Variants in CLPP observed in about 807,000 individuals in gnomAD.
CLPP encodes ATP-dependent Clp protease proteolytic subunit, mitochondrial.
Under a neutral mutation model 27.4 loss-of-function variants are expected in CLPP, and 14 were observed. The ratio of observed to expected loss-of-function variants is 0.51; its 90% confidence interval spans 0.34 to 0.80. The LOEUF (loss-of-function observed/expected upper bound fraction) is 0.80. Among genes scored for constraint, CLPP ranks in the 30% least tolerant of loss-of-function variants. The pLI, the probability that CLPP is intolerant of heterozygous loss-of-function variation, is 0.02. For synonymous variants in CLPP, 193 were observed against 166.6 expected (o/e 1.16, Z -1.22); for missense variants, 361 against 403.6 (o/e 0.89, Z 0.90).
chr19:6,368,537 G>C lies in CLPP; in HGVS notation c.662-1G>C. 6.2e-7 allele frequency: 1 copy of C among 1,614,082 alleles called. No individual in the cohort carries two copies. Among genetic ancestry groups the C allele is most frequent in the Non-Finnish European group, 8.5e-7 (1 of 1,180,014 alleles). On this transcript the variant is annotated splice_acceptor_variant, in intron 5 of 5. Coordinates refer to ENST00000245816, the MANE Select transcript of CLPP (RefSeq NM_006012.4). LOFTEE classifies it high-confidence loss of function. ...TGTCTCACCTCCTGCTTCCCCACCAGAGTCCGCCATGGAGAGGGACCGCTA... is the reference window on the plus strand; with the variant it reads ...TGTCTCACCTCCTGCTTCCCCACCACAGTCCGCCATGGAGAGGGACCGCTA...
rs2091834002 is a variant in CLPP, at chr19:6,361,641, C to T, written c.67C>T (p.Arg23Cys). Residue 23 changes from arginine to cysteine, a missense_variant, in exon 1 of 6, where the codon CGC becomes TGC. Transcript: ENST00000245816. ...ATGCAGGTACCCCGCGCTGGGGCCT[C>T]GCCTCGCCGCTCACTTTCCAGCGCA... ...ASCRYPALGP[R>C]LAAHFPAQRP... is the part of the protein sequence containing the mutation. 2.1e-6 allele frequency: 3 copies of T among 1,418,070 alleles called. No individual in the cohort carries two copies. The highest frequency in any genetic ancestry group is 3.0e-5 in the Admixed American group (1 of 33,730). 87.8% of individuals were successfully genotyped at this position (1,418,070 alleles called of 1,614,324 possible).
Position 6,364,437 on chromosome 19 carries a change from C to T in CLPP, c.368-15C>T. On this transcript the variant is annotated splice_polypyrimidine_tract_variant and intron_variant, in intron 3 of 5. Transcript: ENST00000245816. ...GGGAGCTGGTCCAGCCCCTCACTTGCTCCCCCGCCCACAGGTGGTGTGGTG... is the reference window on the plus strand; with the variant it reads ...GGGAGCTGGTCCAGCCCCTCACTTGTTCCCCCGCCCACAGGTGGTGTGGTG... The T allele has an allele frequency of 6.3e-7, 1 of 1,598,328 alleles. No homozygotes were observed. The highest frequency in any genetic ancestry group is 8.5e-7 in the Non-Finnish European group (1 of 1,174,244).
At chr19:6,364,085 C>T (rs2091849494) in intron 3 of CLPP, among the ~76,000 whole-genome samples, 1 of 143,302 alleles carries the variant, frequency 7.0e-6, no homozygotes, top group Admixed American at 7.1e-5. Context: ...GGCTGGAGTG[C>T]GGTGGCGCTA....
At position 6,369,249 on chromosome 19, in the gene CLPP, C is replaced by A. The variant is rs2091876548; in HGVS notation, c.*539C>A. Among the ~76,000 whole-genome samples the A allele has an allele frequency of 6.6e-6, 1 of 152,068 alleles. No homozygotes were observed. Among genetic ancestry groups the A allele is most frequent in the Non-Finnish European group, 1.5e-5 (1 of 67,996 alleles). On this transcript the variant is annotated 3_prime_UTR_variant, in exon 6 of 6. Transcript: ENST00000245816. ...CATCCTGGCTAACATGGTGAAACCC[C>A]ATTTCTACTAAAAATACAAAAATTA...
At chr19:6,362,038 C>T (rs1397327834) in intron 2 of CLPP, 98 bp downstream of exon 2, 2 of 1,155,354 alleles carry the variant, frequency 1.7e-6, no homozygotes, top group South Asian at 2.7e-5. Flanking sequence ...TTCCCTCAGG[C>T]TCCGCTCCCC....
At chr19:6,366,151 G>T (rs777291916) in intron 4 of CLPP, 107 bp from the exon 5 acceptor site, 75 of 680,576 alleles carry the variant, frequency 1.1e-4, no homozygotes, top group Non-Finnish European at 1.7e-4. Context: ...GCCTCAAACC[G>T]GAAGCCCAAA....
chr19:6,362,328 CA>C, intron 2 of CLPP, 117 bp from the exon 3 acceptor site: 1 of 710,340 alleles, frequency 1.4e-6, no homozygotes, highest in South Asian at 1.6e-5. Flanking sequence ...AATTCTTCCC[CA>C]TCCCTTTTAC....
At chr19:6,366,637 TTTTG>T (rs1016978066) in intron 5 of CLPP, among the ~76,000 whole-genome samples, 45 of 152,136 alleles carry the variant, frequency 3.0e-4, no homozygotes, top group African/African-American at 8.9e-4. Context: ...GAGCTAATTT[TTTTG>T]TTTGTTTGTT....
Position 6,369,280 on chromosome 19 carries a change from G to C in CLPP, c.*570G>C, listed in dbSNP as rs1166870141. Among the ~76,000 whole-genome samples the C allele has an allele frequency of 6.6e-6, 1 of 152,094 alleles. No individual in the cohort carries two copies. ...TACTAAAAATACAAAAATTAGCCGA[G>C]CGTGGTGCACCTGTAATCCCAGCTA... On this transcript the variant is annotated 3_prime_UTR_variant, in exon 6 of 6. Transcript: ENST00000245816.
chr19:6,369,148 C>T lies in CLPP; in HGVS notation c.*438C>T, dbSNP rs1213985338. On this transcript the variant is annotated 3_prime_UTR_variant, in exon 6 of 6. Coordinates refer to ENST00000245816, the MANE Select transcript of CLPP (RefSeq NM_006012.4). The stretch of plus-strand genomic sequence containing the variant: ...ACTAAAAAAAACAAAACAGGCCAGG[C>T]GCGCTGGCTCACGCCTGTAATCCCA... Among the ~76,000 whole-genome samples, 1 of 152,136 alleles carries T rather than the reference C, an allele frequency of 6.6e-6. No individual in the cohort carries two copies. The highest frequency in any genetic ancestry group is 1.5e-5 in the Non-Finnish European group (1 of 68,030).
rs926822647 is a variant in CLPP, at chr19:6,369,041, A to G, written c.*331A>G. On this transcript the variant is annotated 3_prime_UTR_variant, in exon 6 of 6. Transcript: ENST00000245816. ...CAACAGATTCTCCTGATCATATCCT[A>G]TATTCCAGGCAGTGTTCTTTTGTGA... 19 of 259,994 alleles carry G rather than the reference A, an allele frequency of 7.3e-5. No homozygotes were observed. Among genetic ancestry groups the G allele is most frequent in the African/African-American group, 3.8e-4 (17 of 44,186 alleles). The allele number at this position is 259,994 out of a possible 1,614,324, so 16.1% of individuals were successfully genotyped here.
intron 3 of CLPP, among the ~76,000 whole-genome samples, chr19:6,363,038 C>A (rs1381137865): frequency 6.6e-6 from 1 of 151,974 alleles, no homozygotes; most frequent in East Asian, 1.9e-4. Context: ...TGTAGTGAGC[C>A]CATCTCAAAA....
chr19:6,361,744 C>G lies in CLPP; in HGVS notation c.170C>G (p.Pro57Arg). ...CLHATATRAL[P>R]LIPIVVEQTG... The stretch of plus-strand genomic sequence containing the variant: ...CACGCGACGGCGACCCGGGCTCTCC[C>G]GCTCATTCCCATCGTGGTGGAGCAG... The change falls in exon 1 of 6, where the codon CCG becomes CGG. Residue 57 changes from proline to arginine, a missense_variant. This residue lies in a region of CLPP where 148 missense variants were observed against 122.6 expected (regional missense o/e 1.21). Coordinates refer to ENST00000245816, the MANE Select transcript of CLPP (RefSeq NM_006012.4). 1.3e-6 allele frequency: 2 copies of G among 1,523,694 alleles called. No homozygotes were observed. The highest frequency in any genetic ancestry group is 1.4e-5 in the African/African-American group (1 of 73,162). 94.4% of individuals were successfully genotyped at this position (1,523,694 alleles called of 1,614,324 possible).
Position 6,361,548 on chromosome 19 carries a change from C to G in CLPP, c.-27C>G, listed in dbSNP as rs973329396. On this transcript the variant is annotated 5_prime_UTR_variant, in exon 1 of 6. Transcript: ENST00000245816. ...CGGAAGCTGTAGTTCCGCCATCGGA[C>G]GGAAGCCGACCGGGGCGTGCGGAGG... 5 of 1,383,290 alleles carry G rather than the reference C, an allele frequency of 3.6e-6. No homozygotes were observed. Among genetic ancestry groups the G allele is most frequent in the South Asian group, 1.7e-5 (1 of 57,702 alleles). The allele number at this position is 1,383,290 out of a possible 1,614,324, so 85.7% of individuals were successfully genotyped here.
At position 6,368,946 on chromosome 19, in the gene CLPP, G is replaced by A; in HGVS notation, c.*236G>A. On this transcript the variant is annotated 3_prime_UTR_variant, in exon 6 of 6. Coordinates refer to ENST00000245816, the MANE Select transcript of CLPP (RefSeq NM_006012.4). The stretch of plus-strand genomic sequence containing the variant: ...CCTCCCTTCTGCACCATGACAGCGT[G>A]TACACATCTGTGTTTCACAGGCCCC... The A allele has an allele frequency of 1.8e-6, 1 of 542,440 alleles. No individual in the cohort carries two copies. Among genetic ancestry groups the A allele is most frequent in the Non-Finnish European group, 3.3e-6 (1 of 304,578 alleles). 33.6% of individuals were successfully genotyped at this position (542,440 alleles called of 1,614,324 possible).
At chr19:6,368,196 A>G (rs1317173539) in intron 5 of CLPP, among the ~76,000 whole-genome samples, 1 of 152,120 alleles carries the variant, frequency 6.6e-6, no homozygotes, top group Non-Finnish European at 1.5e-5. Flanking sequence ...GGGGCTGGGA[A>G]GTCCAAGGTC....
chr19:6,365,315 C>G (rs1461639190), intron 4 of CLPP: 5 of 151,918 alleles, frequency 3.3e-5, no homozygotes, highest in African/African-American at 1.2e-4. Flanking sequence ...CCCGTCTCTA[C>G]TAAAAATACA....
Position 6,366,258 on chromosome 19 carries a change from G to A in CLPP, c.556G>A (p.Gly186Ser). ...CCTCACTCCCTTGGACGTCCCTCAG[G>A]GCCAAGCCACAGACATTGCCATCCA... ...MIHQPSGGARGQATDIAIQAE... is the reference protein window; with the variant it reads ...MIHQPSGGARSQATDIAIQAE... The change falls in exon 5 of 6, where the codon GGC (glycine) becomes AGC (serine). Residue 186 changes from glycine to serine, a missense_variant and splice_region_variant. Coordinates refer to ENST00000245816, the MANE Select transcript of CLPP (RefSeq NM_006012.4). 3 of 1,608,988 alleles carry A rather than the reference G, an allele frequency of 1.9e-6. No individual in the cohort carries two copies. Among genetic ancestry groups the A allele is most frequent in the Non-Finnish European group, 2.5e-6 (3 of 1,177,226 alleles).
chr19:6,368,562 A>G lies in CLPP; in HGVS notation c.686A>G (p.Tyr229Cys), dbSNP rs1215989573. Reference protein sequence around the residue: ...VIESAMERDRYMSPMEAQEFG... With the variant: ...VIESAMERDRCMSPMEAQEFG... ...GAGTCCGCCATGGAGAGGGACCGCT[A>G]CATGAGCCCCATGGAGGCCCAGGAG... Residue 229 changes from tyrosine to cysteine, a missense_variant, in exon 6 of 6, where the codon TAC becomes TGC. Tyr to Cys is a radical substitution (Grantham distance 194). This residue lies in a region of CLPP where 213 missense variants were observed against 280.9 expected (regional missense o/e 0.76). Coordinates refer to ENST00000245816, the MANE Select transcript of CLPP (RefSeq NM_006012.4). The G allele has an allele frequency of 6.2e-7, 1 of 1,613,984 alleles. No individual in the cohort carries two copies. The highest frequency in any genetic ancestry group is 8.5e-7 in the Non-Finnish European group (1 of 1,180,016).
Sources: gnomAD v4.1 joint callset for allele counts (sites outside exome capture counted in the v4.1 genomes callset) on GRCh38, gnomAD v4.1.1 for gene constraint, gnomAD v4.1.1 regional missense constraint, MANE v1.5 for transcripts, NCBI Gene and HGNC (gene_info 2026-07-23, HGNC 2026-07-21) for gene names.